Variants in GNAL observed in about 807,000 individuals in gnomAD.
GNAL encodes G protein subunit alpha L.
GNAL carries 18 observed loss-of-function variants against 55.1 expected under a neutral mutation model. The observed-to-expected ratio is 0.33, with a 90% confidence interval of 0.23 to 0.48. The LOEUF (loss-of-function observed/expected upper bound fraction) is 0.48, where lower values mean the gene tolerates loss of function less well. Ranked by LOEUF, GNAL falls within the 20% of genes least tolerant of loss-of-function variation. The pLI is 0.99. For missense variants in GNAL, 412 were observed against 614.1 expected (o/e 0.67, Z 3.48); for synonymous variants, 253 against 237.0 (o/e 1.07, Z -0.62).
intron 1 of GNAL, among the ~76,000 whole-genome samples, chr18:11,709,149 C>G (rs536587505): frequency 1.3e-5 from 2 of 152,194 alleles, no homozygotes; most frequent in African/African-American, 4.8e-5. Flanking sequence ...CTATTCTCTT[C>G]CATTGGTTTA....
chr18:11,774,647 C>T (rs371810912), intron 4 of GNAL, among the ~76,000 whole-genome samples: 183 of 152,156 alleles, frequency 1.2e-3, no homozygotes, highest in African/African-American at 4.2e-3. Context: ...TGACTTGCCC[C>T]GAGTCATAGA....
At chr18:11,832,585 C>A (rs939326593) in intron 5 of GNAL, among the ~76,000 whole-genome samples, 1 of 152,148 alleles carries the variant, frequency 6.6e-6, no homozygotes, top group East Asian at 1.9e-4. Context: ...TGACCTGGCG[C>A]GGTGGCTCAC....
At chr18:11,867,294 T>TATTCTTGA in intron 8 of GNAL, 68 bp downstream of exon 8, 1 of 929,898 alleles carries the variant, frequency 1.1e-6, no homozygotes. Context: ...TGTGCTTAAC[T>TATTCTTGA]ATTCTTGAAT....
At chr18:11,782,567 C>A (rs1288424638) in intron 4 of GNAL, among the ~76,000 whole-genome samples, 1 of 151,904 alleles carries the variant, frequency 6.6e-6, no homozygotes, top group Non-Finnish European at 1.5e-5. Flanking sequence ...GGAGAGAAGG[C>A]AAGGGTGGAA....
rs191502469 is a variant in GNAL at position 11,807,027 on chromosome 18, C to T, written c.625-17891C>T. On this transcript the variant is annotated intron_variant, in intron 4 of 11. Coordinates refer to ENST00000334049, the MANE Select transcript of GNAL (RefSeq NM_182978.4). ...TACAAAAATTAGCCGGGCATGGTGG[C>T]GCACGCCTGTAGTTCCAGCTACTGG... 4.9e-3 allele frequency among the ~76,000 whole-genome samples: 747 copies of T among 152,034 alleles called. 4 individuals are homozygous for T. The highest frequency in any genetic ancestry group is 0.014 in the Middle Eastern group (4 of 294).
At chr18:11,869,433 G>T (rs1242506675) in intron 9 of GNAL, among the ~76,000 whole-genome samples, 1 of 151,586 alleles carries the variant, frequency 6.6e-6, no homozygotes, top group South Asian at 2.1e-4. Flanking sequence ...GTGAGCCACC[G>T]CACCCGGCCA....
intron 5 of GNAL, among the ~76,000 whole-genome samples, chr18:11,832,773 T>C (rs1356413072): frequency 6.6e-6 from 1 of 151,610 alleles, no homozygotes; most frequent in East Asian, 2.0e-4. Flanking sequence ...GGCAGGAGAA[T>C]TGCTTGAACC....
chr18:11,818,524 G>A (rs1003726153), intron 4 of GNAL, among the ~76,000 whole-genome samples: 3 of 152,174 alleles, frequency 2.0e-5, no homozygotes, highest in Admixed American at 1.3e-4. Flanking sequence ...CAACTTAAAC[G>A]ACTGTGTGTG....
Position 11,868,447 on chromosome 18 carries a change from T to G in GNAL, c.911-96T>G. ...GAATAGTCCTATCACTGAATGAATG[T>G]TTTTGTGGAACTGAGTAGCTGCTGG... is the stretch of plus-strand genomic sequence containing the variant. On this transcript the variant is annotated intron_variant, in intron 8 of 11. Transcript: ENST00000334049. The surrounding 1 kb of genome is among the most constrained non-coding windows in gnomAD (Gnocchi z 4.0). 1 of 1,037,194 alleles carries G rather than the reference T, an allele frequency of 9.6e-7. No homozygotes were observed. Among genetic ancestry groups the G allele is most frequent in the South Asian group, 1.5e-5 (1 of 65,662 alleles). The allele number at this position is 1,037,194 out of a possible 1,614,324, so 64.2% of individuals were successfully genotyped here.
At chr18:11,731,167 A>G (rs2032330978) in intron 1 of GNAL, among the ~76,000 whole-genome samples, 1 of 152,198 alleles carries the variant, frequency 6.6e-6, no homozygotes, top group South Asian at 2.1e-4. Context: ...GTTGTTTTTG[A>G]GACGGAGTCT....
chr18:11,790,965 G>A (rs1022428671), intron 4 of GNAL, among the ~76,000 whole-genome samples: 5 of 132,476 alleles, frequency 3.8e-5, no homozygotes, highest in African/African-American at 1.3e-4. Context: ...CCAGCTGATG[G>A]TTTTTCAATC....
At chr18:11,767,628 G>A (rs546804430) in intron 4 of GNAL, among the ~76,000 whole-genome samples, 1 of 152,228 alleles carries the variant, frequency 6.6e-6, no homozygotes, top group Non-Finnish European at 1.5e-5. Context: ...CTTACATTCT[G>A]TGTGCTCTTG....
intron 4 of GNAL, among the ~76,000 whole-genome samples, chr18:11,764,474 A>G (rs562303772): frequency 5.9e-5 from 9 of 152,214 alleles, no homozygotes; most frequent in Non-Finnish European, 1.3e-4. Context: ...AGCAATAAAT[A>G]TGTAAGGGAG....
intron 4 of GNAL, among the ~76,000 whole-genome samples, chr18:11,779,033 G>T (rs2033859098): frequency 6.6e-6 from 1 of 152,116 alleles, no homozygotes; most frequent in Non-Finnish European, 1.5e-5. Context: ...GATAAAAATA[G>T]GTTCTTGAGA....
Position 11,862,175 on chromosome 18 carries a change from A to T in GNAL, c.723-220A>T, listed in dbSNP as rs1471306256. 2.6e-5 allele frequency among the ~76,000 whole-genome samples: 4 copies of T among 151,804 alleles called. No homozygotes were observed. The East Asian group carries it at 7.8e-4, about 29-fold the overall frequency. ...AAGAGAGGGGAGAGAAGGCAACATT[A>T]AAAAAAAGAAAAAAAAAGAATGCAG... On this transcript the variant is annotated intron_variant, in intron 5 of 11. Transcript: ENST00000334049.
intron 10 of GNAL, among the ~76,000 whole-genome samples, chr18:11,873,016 C>G (rs143422261): frequency 6.6e-6 from 1 of 152,192 alleles, no homozygotes. Flanking sequence ...TTCCGGGGCA[C>G]GGGACCGTCA....
At chr18:11,850,075 G>C (rs1054905345) in intron 5 of GNAL, among the ~76,000 whole-genome samples, 15 of 152,174 alleles carry the variant, frequency 9.9e-5, no homozygotes, top group African/African-American at 3.6e-4. Flanking sequence ...AGAGATGCAT[G>C]GACACTAAAA....
At chr18:11,856,489 C>G (rs1331275372) in intron 5 of GNAL, among the ~76,000 whole-genome samples, 1 of 151,238 alleles carries the variant, frequency 6.6e-6, no homozygotes, top group East Asian at 1.9e-4. Context: ...GCACAGAGTC[C>G]CAAGTATGGA....
chr18:11,813,687 A>G (rs2034881040), intron 4 of GNAL, among the ~76,000 whole-genome samples: 1 of 152,188 alleles, frequency 6.6e-6, no homozygotes, highest in Non-Finnish European at 1.5e-5. Flanking sequence ...AGAATTGAGA[A>G]TTCAGAAATA....
Sources: allele counts gnomAD v4.1 joint callset (sites outside exome capture counted in the v4.1 genomes callset), GRCh38; gene constraint gnomAD v4.1.1; non-coding constraint Gnocchi (gnomAD v3.1); transcripts MANE v1.5; gene names NCBI Gene and HGNC (gene_info 2026-07-23, HGNC 2026-07-21).